The following KIDINS220 variants were observed in gnomAD, a reference collection of about 807,000 sequenced individuals.
KIDINS220 encodes kinase D-interacting substrate of 220 kDa.
In KIDINS220, 63 loss-of-function variants were observed where a neutral mutation model predicts 157.6. That is an observed-to-expected ratio of 0.40 (90% confidence interval 0.33 to 0.49). The LOEUF (loss-of-function observed/expected upper bound fraction) is 0.49, where lower values mean the gene tolerates loss of function less well. KIDINS220 is among the 20% of genes least tolerant of loss of function. KIDINS220 has a pLI of 0.66. For synonymous variants in KIDINS220, 732 were observed against 783.6 expected, an observed-to-expected ratio of 0.93 and a Z score of 1.10; for missense variants, 1,772 against 2,171.2, an observed-to-expected ratio of 0.82 and a Z score of 3.65.
At chr2:8,800,194 G>C in intron 9 of KIDINS220, 1 of 449,694 alleles carries the variant, frequency 2.2e-6, no homozygotes, top group East Asian at 3.3e-5. Flanking sequence ...AGCTTTTTTG[G>C]TTTACCTCTA....
chr2:8,795,013 T>C (rs1673711923), intron 11 of KIDINS220, among the ~76,000 whole-genome samples: 1 of 152,206 alleles, frequency 6.6e-6, no homozygotes, highest in South Asian at 2.1e-4. Flanking sequence ...TTAAGTAGCT[T>C]ATGTCGTAAT....
intron 4 of KIDINS220, among the ~76,000 whole-genome samples, chr2:8,815,798 T>A (rs1677006721): frequency 6.6e-6 from 1 of 152,218 alleles, no homozygotes; most frequent in African/African-American, 2.4e-5. Context: ...ATAGTGTAGC[T>A]TTATATTTCA....
rs1291176823 is a variant in KIDINS220 at position 8,729,912 on chromosome 2, GCTCA to G, written c.*804_*807del. On this transcript the variant is annotated 3_prime_UTR_variant, in exon 30 of 30. Coordinates refer to ENST00000256707, the MANE Select transcript of KIDINS220 (RefSeq NM_020738.4). ...TGTTTTTTTTTCTTCTCATTGCTAA[GCTCA>G]CTTAGAAAAGTTGGGCACCATTTAA... 2.2e-5 allele frequency: 22 copies of G among 985,030 alleles called. No homozygotes were observed. In the African/African-American group the frequency reaches 3.8e-4, roughly 17 times the overall value. 61.0% of individuals were successfully genotyped at this position (985,030 alleles called of 1,614,324 possible).
intron 8 of KIDINS220, among the ~76,000 whole-genome samples, chr2:8,801,616 C>T (rs907681489): frequency 2.6e-5 from 4 of 152,198 alleles, no homozygotes; most frequent in African/African-American, 7.2e-5. Flanking sequence ...AAAGTGACTA[C>T]CAGGTAGGCA....
intron 22 of KIDINS220, among the ~76,000 whole-genome samples, chr2:8,761,532 T>C (rs1306457418): frequency 6.6e-6 from 1 of 152,128 alleles, no homozygotes; most frequent in Non-Finnish European, 1.5e-5. Flanking sequence ...AGTACAACAC[T>C]TAAAAACTAT....
Position 8,791,163 on chromosome 2 carries a change from G to A in KIDINS220, c.1338C>T (p.Ala446=). The change falls in exon 13 of 30, where the codon GCC becomes GCT. Residue 446 remains alanine, a synonymous_variant. Transcript: ENST00000256707. The part of the protein sequence containing the change: ...DMLGYDLYSS[A]LADILSEPTM... ...TAGGCTCACTGAGAATATCTGCCAG[G>A]GCACTGCTATATAAATCATATCCAA... is the stretch of plus-strand genomic sequence containing the variant. The A allele has an allele frequency of 1.9e-6, 3 of 1,613,970 alleles. No individual in the cohort carries two copies. Among genetic ancestry groups the A allele is most frequent in the Non-Finnish European group, 1.7e-6 (2 of 1,179,922 alleles).
chr2:8,749,341 A>G (rs1225519119), intron 24 of KIDINS220: 4 of 449,964 alleles, frequency 8.9e-6, no homozygotes, highest in Non-Finnish European at 1.8e-5. Flanking sequence ...CTAAAGAGGG[A>G]GATAGCAAAA....
intron 22 of KIDINS220, 113 bp from the exon 23 acceptor site, chr2:8,751,757 T>C: frequency 2.7e-6 from 2 of 734,588 alleles, no homozygotes; most frequent in Admixed American, 5.8e-5. Context: ...TCTGATGGAT[T>C]TGGTCTAATT....
chr2:8,835,688 C>T (rs1461634080), intron 1 of KIDINS220, among the ~76,000 whole-genome samples: 3 of 151,558 alleles, frequency 2.0e-5, no homozygotes, highest in Non-Finnish European at 4.4e-5. Flanking sequence ...AAAAAGTTGC[C>T]CCAGGGAGAT....
At chr2:8,723,632 C>T (rs1438060488), downstream of KIDINS220, 1 of 152,174 alleles carries the variant, frequency 6.6e-6, no homozygotes, top group Non-Finnish European at 1.5e-5. Context: ...TAGTAGAGGG[C>T]AGCAAGGGGT....
intron 29 of KIDINS220, 30 bp from the exon 30 acceptor site, chr2:8,732,012 A>C (rs1261635008): frequency 6.6e-7 from 1 of 1,517,132 alleles, no homozygotes; most frequent in Non-Finnish European, 8.8e-7. Flanking sequence ...ATAATTTAAA[A>C]ATTCAAATAA....
chr2:8,837,325 T>TCCCCGGGAC (rs1680571236), intron 1 of KIDINS220, 155 bp downstream of exon 1: 1 of 150,702 alleles, frequency 6.6e-6, no homozygotes, highest in Non-Finnish European at 1.5e-5. Flanking sequence ...CGCCATGCCC[T>TCCCCGGGAC]CCCCGGGACC....
At chr2:8,814,307 T>A (rs1272393710) in intron 4 of KIDINS220, among the ~76,000 whole-genome samples, 2 of 152,142 alleles carry the variant, frequency 1.3e-5, no homozygotes, top group Non-Finnish European at 2.9e-5. Flanking sequence ...ATGGAGCATC[T>A]TAAAAGGGCA....
downstream of KIDINS220, chr2:8,727,122 G>C: frequency 9.1e-7 from 1 of 1,098,972 alleles, no homozygotes; most frequent in Non-Finnish European, 1.2e-6. Context: ...TTAGAATTCT[G>C]AGGTAGGGAA....
chr2:8,833,913 T>C (rs897991383), intron 1 of KIDINS220, among the ~76,000 whole-genome samples: 5 of 152,206 alleles, frequency 3.3e-5, no homozygotes, highest in Non-Finnish European at 5.9e-5. Flanking sequence ...AATCGGTTAA[T>C]AGACGCACCC....
intron 22 of KIDINS220, among the ~76,000 whole-genome samples, chr2:8,756,060 C>CTTCAGGTAGTA (rs1006567498): frequency 1.3e-5 from 2 of 152,212 alleles, no homozygotes; most frequent in African/African-American, 4.8e-5. Flanking sequence ...CTGTAGATCA[C>CTTCAGGTAGTA]TTCAGGTAGT....
Position 8,798,697 on chromosome 2 carries a change from G to A in KIDINS220, c.901-397C>T, listed in dbSNP as rs958501049. On this transcript the variant is annotated intron_variant, in intron 9 of 29. Coordinates refer to ENST00000256707, the MANE Select transcript of KIDINS220 (RefSeq NM_020738.4). ...CCCAATTTTTCAAAAGATAATGCAC[G>A]AAAATGTACTTCACAAATATAAGGC... is the stretch of plus-strand genomic sequence containing the variant. Among the ~76,000 whole-genome samples, 5 of 152,124 alleles carry A rather than the reference G, an allele frequency of 3.3e-5. 1 individual carries two copies. The highest frequency in any genetic ancestry group is 6.5e-5 in the Admixed American group (1 of 15,270).
At chr2:8,784,872 A>G (rs1672182146) in intron 17 of KIDINS220, among the ~76,000 whole-genome samples, 1 of 152,242 alleles carries the variant, frequency 6.6e-6, no homozygotes, top group African/African-American at 2.4e-5. Flanking sequence ...ACGAAACATC[A>G]TACAATCTAG....
At chr2:8,815,058 G>A (rs998152898) in intron 4 of KIDINS220, among the ~76,000 whole-genome samples, 6 of 152,202 alleles carry the variant, frequency 3.9e-5, no homozygotes, top group African/African-American at 1.4e-4. Flanking sequence ...ATTTTAACTT[G>A]TAAAATACTT....
Sources: gnomAD v4.1 joint callset for allele counts (sites outside exome capture counted in the v4.1 genomes callset) on GRCh38, gnomAD v4.1.1 for gene constraint, MANE v1.5 for transcripts, NCBI Gene and HGNC (gene_info 2026-07-23, HGNC 2026-07-21) for gene names.